RGS20: variants seen among roughly 807,000 people sequenced by gnomAD.
RGS20 encodes the protein regulator of G protein signaling 20.
Under a neutral mutation model 33.6 loss-of-function variants are expected in RGS20, and 30 were observed. The observed-to-expected ratio is 0.89, with a 90% CI of 0.67 to 1.21. RGS20 has a LOEUF of 1.21. Ranked by LOEUF, RGS20 falls within the 50% of genes most tolerant of loss-of-function variation. The pLI is 0.00. For synonymous variants in RGS20, 208 were observed against 197.9 expected, an observed-to-expected ratio of 1.05 and a Z score of -0.43; for missense variants, 472 against 502.4, an observed-to-expected ratio of 0.94 and a Z score of 0.58.
intron 1 of RGS20, among the ~76,000 whole-genome samples, chr8:53,859,703 G>T (rs1197028796): frequency 1.3e-5 from 2 of 152,182 alleles, no homozygotes; most frequent in Non-Finnish European, 2.9e-5. Context: ...AGAAAAAGAG[G>T]TTTAATGGAC....
At chr8:53,869,828 C>A (rs541736170) in intron 1 of RGS20, among the ~76,000 whole-genome samples, 4 of 152,212 alleles carry the variant, frequency 2.6e-5, no homozygotes, top group Admixed American at 2.0e-4. Flanking sequence ...AGGGCAGGAC[C>A]ACAAGCAGGC....
intron 1 of RGS20, among the ~76,000 whole-genome samples, chr8:53,854,963 C>T (rs377351227): frequency 6.6e-6 from 1 of 152,298 alleles, no homozygotes; most frequent in Admixed American, 6.5e-5. Context: ...TACTAATACA[C>T]GAAACAACTT....
chr8:53,951,916 C>T (rs1814718068), intron 4 of RGS20, among the ~76,000 whole-genome samples: 1 of 151,346 alleles, frequency 6.6e-6, no homozygotes, highest in African/African-American at 2.4e-5. Context: ...AGTCGGGAGG[C>T]TGAGGCAGGA....
In RGS20 at chr8:53,900,183, C is replaced by T. The variant is rs537305983; in HGVS notation, c.510+20581C>T. Among the ~76,000 whole-genome samples the T allele has an allele frequency of 5.3e-5, 8 of 152,190 alleles. No homozygotes were observed. In the East Asian group the frequency reaches 1.2e-3, roughly 22 times the overall value. ...AATTTGTTTACAGTCTTTTTTTCCC[C>T]TAGGTTAGAATGCAGTGGTGCAATC... On this transcript the variant is annotated intron_variant, in intron 2 of 5. Transcript: ENST00000297313.
intron 2 of RGS20, among the ~76,000 whole-genome samples, chr8:53,892,137 G>T (rs375887973): frequency 2.6e-5 from 4 of 152,060 alleles, no homozygotes; most frequent in Non-Finnish European, 5.9e-5. Context: ...GAGAACATGC[G>T]GTGTTTGGTT....
At chr8:53,858,638 T>G (rs941328221) in intron 1 of RGS20, among the ~76,000 whole-genome samples, 1 of 152,002 alleles carries the variant, frequency 6.6e-6, no homozygotes, top group African/African-American at 2.4e-5. Context: ...GAGGTGGCAT[T>G]GCTGAAGAAA....
rs911316249 is a variant in RGS20 at position 53,946,738 on chromosome 8, T to A, written c.733T>A (p.Trp245Arg). Residue 245 changes from tryptophan (W) to arginine (R), a missense_variant, in exon 4 of 6, where the codon TGG becomes AGG. Physicochemically the swap from Trp to Arg is moderately radical, Grantham distance 101 (BLOSUM62 -3). Around this residue, in one of 3 missense-constraint regions of RGS20, gnomAD observed 319 missense variants for 283.4 expected, o/e 1.13. Transcript: ENST00000297313. ...CGAACTCAGAGCAGATCTTCCAACCTGGGAAGAAAGGTGAAATCACACGTT... is the reference window on the plus strand; with the variant it reads ...CGAACTCAGAGCAGATCTTCCAACCAGGGAAGAAAGGTGAAATCACACGTT... The A allele has an allele frequency of 8.1e-6, 13 of 1,612,492 alleles. No homozygotes were observed. Among genetic ancestry groups the A allele is most frequent in the Non-Finnish European group, 1.1e-5 (13 of 1,179,232 alleles).
At chr8:53,861,648 T>G (rs1811811402) in intron 1 of RGS20, among the ~76,000 whole-genome samples, 1 of 152,196 alleles carries the variant, frequency 6.6e-6, no homozygotes, top group Non-Finnish European at 1.5e-5. Context: ...AAGGATATAT[T>G]TTTGAAGTTT....
At chr8:53,861,860 A>G (rs1811815313) in intron 1 of RGS20, among the ~76,000 whole-genome samples, 1 of 152,154 alleles carries the variant, frequency 6.6e-6, no homozygotes, top group South Asian at 2.1e-4. Context: ...ATTTTTACCA[A>G]CTTATTAGCA....
intron 3 of RGS20, among the ~76,000 whole-genome samples, chr8:53,943,787 C>T (rs999367758): frequency 7.2e-5 from 11 of 152,114 alleles, no homozygotes; most frequent in African/African-American, 2.7e-4. Context: ...TTCATACCCA[C>T]TGAGCAGTAA....
rs143783584 is a variant in RGS20 at position 53,906,442 on chromosome 8, T to C, written c.510+26840T>C. 2.6e-3 allele frequency among the ~76,000 whole-genome samples: 402 copies of C among 152,208 alleles called. 2 individuals carry two copies. The highest frequency in any genetic ancestry group is 8.8e-3 in the African/African-American group (366 of 41,536). On this transcript the variant is annotated intron_variant, in intron 2 of 5. Transcript: ENST00000297313. ...TTGCTATCGAGTGGCCCCCTAAGTG[T>C]GCTGGCAAATGTGGTATCTGTGAAA...
chr8:53,854,499 G>A (rs1811631820), intron 1 of RGS20, among the ~76,000 whole-genome samples: 1 of 151,960 alleles, frequency 6.6e-6, no homozygotes, highest in Admixed American at 6.6e-5. Flanking sequence ...GCCACTAGGA[G>A]ATGCAAATTA....
intron 2 of RGS20, among the ~76,000 whole-genome samples, chr8:53,918,217 A>G (rs560688917): frequency 4.9e-4 from 75 of 152,212 alleles, no homozygotes; most frequent in Middle Eastern, 3.4e-3. Context: ...AAGAAATCCC[A>G]CACCCACTAG....
chr8:53,915,644 G>A (rs1813462773), intron 2 of RGS20, among the ~76,000 whole-genome samples: 1 of 152,180 alleles, frequency 6.6e-6, no homozygotes, highest in Admixed American at 6.5e-5. Context: ...CTCCCATTGA[G>A]TCTCAGGCAG....
At chr8:53,868,408 G>A (rs1811967591) in intron 1 of RGS20, among the ~76,000 whole-genome samples, 2 of 152,168 alleles carry the variant, frequency 1.3e-5, no homozygotes, top group Non-Finnish European at 2.9e-5. Context: ...CAGGAGGTGG[G>A]TCTGGGGAGC....
At chr8:53,881,183 G>A (rs542374591) in intron 2 of RGS20, 99 bp downstream of exon 1, 8 of 882,716 alleles carry the variant, frequency 9.1e-6, no homozygotes, top group Non-Finnish European at 1.1e-5. Context: ...CGCGCCGCTC[G>A]TCCGGACCTC....
At chr8:53,857,439 A>G (rs1563334724) in intron 1 of RGS20, among the ~76,000 whole-genome samples, 1 of 152,204 alleles carries the variant, frequency 6.6e-6, no homozygotes, top group Non-Finnish European at 1.5e-5. Context: ...AAGGTCTTCA[A>G]TTATTCAGCC....
intron 2 of RGS20, among the ~76,000 whole-genome samples, chr8:53,935,629 A>G (rs199669028): frequency 2.6e-5 from 4 of 152,202 alleles, no homozygotes; most frequent in Non-Finnish European, 5.9e-5. Context: ...TACCAACCAA[A>G]AAAAGGCCCA....
intron 1 of RGS20, among the ~76,000 whole-genome samples, chr8:53,858,932 G>A (rs903347064): frequency 1.3e-5 from 2 of 151,478 alleles, no homozygotes; most frequent in East Asian, 1.9e-4. Context: ...GTGGGGCAGA[G>A]GAAGTGGGAA....
Sources: allele counts gnomAD v4.1 joint callset (sites outside exome capture counted in the v4.1 genomes callset), GRCh38; gene constraint gnomAD v4.1.1; regional missense constraint gnomAD v4.1.1; transcripts MANE v1.5; gene names NCBI Gene and HGNC (gene_info 2026-07-23, HGNC 2026-07-21).